The following PRKG1 variants were observed in gnomAD, a reference collection of about 807,000 sequenced individuals.
The protein encoded by PRKG1 is protein kinase cGMP-dependent 1.
Under a neutral mutation model 88.1 loss-of-function variants are expected in PRKG1, and 35 were observed. The observed-to-expected ratio is 0.40, with a 90% CI of 0.30 to 0.53. The LOEUF (loss-of-function observed/expected upper bound fraction) is 0.53, where lower values mean the gene tolerates loss of function less well. Ranked by LOEUF, PRKG1 falls within the 20% of genes least tolerant of loss-of-function variation. The pLI, the probability that PRKG1 is intolerant of heterozygous loss-of-function variation, is 0.59. For synonymous variants in PRKG1, 303 were observed against 292.5 expected (o/e 1.04, Z -0.37); for missense variants, 540 against 839.8 (o/e 0.64, Z 4.41).
Position 51,684,080 on chromosome 10 carries a change from G to A in PRKG1, c.593-120505G>A, listed in dbSNP as rs567713388. On this transcript the variant is annotated intron_variant, in intron 3 of 17. Transcript: ENST00000373980. ...ATATGTGCACACAAATGTTCACACC[G>A]GCACTATTCATAATAGCCTGAATGA... is the stretch of plus-strand genomic sequence containing the variant. Among the ~76,000 whole-genome samples the A allele has an allele frequency of 2.8e-4, 43 of 152,108 alleles. 1 individual carries two copies. The highest frequency in any genetic ancestry group is 1.4e-3 in the East Asian group (7 of 5,176).
intron 2 of PRKG1, among the ~76,000 whole-genome samples, chr10:51,251,518 A>AG (rs1839427288): frequency 2.6e-5 from 4 of 151,836 alleles, no homozygotes; most frequent in African/African-American, 9.7e-5. Context: ...ATTGTGATTA[A>AG]GGTCATTAAA....
chr10:51,439,001 A>ATT (rs142070764), intron 2 of PRKG1, among the ~76,000 whole-genome samples: 4 of 127,776 alleles, frequency 3.1e-5, no homozygotes, highest in African/African-American at 8.4e-5. Flanking sequence ...ACTAATTGGG[A>ATT]TTTTTTTTTT....
intron 3 of PRKG1, among the ~76,000 whole-genome samples, chr10:51,557,344 C>T (rs886388543): frequency 6.6e-5 from 10 of 151,058 alleles, no homozygotes; most frequent in African/African-American, 2.4e-4. Context: ...CATACACCAC[C>T]ACCCCCCCAC....
intron 2 of PRKG1, among the ~76,000 whole-genome samples, chr10:51,353,720 C>T (rs1008364180): frequency 6.6e-6 from 1 of 152,104 alleles, no homozygotes; most frequent in Non-Finnish European, 1.5e-5. Context: ...AATGCAACCA[C>T]TATGGAGAAC....
At chr10:52,024,292 T>C (rs981958211) in intron 5 of PRKG1, among the ~76,000 whole-genome samples, 5 of 133,672 alleles carry the variant, frequency 3.7e-5, no homozygotes, top group East Asian at 5.0e-4. Context: ...TACTTATTTA[T>C]TTATTCATTT....
At chr10:51,148,271 T>A (rs1311627317) in intron 1 of PRKG1, 1 of 985,048 alleles carries the variant, frequency 1.0e-6, no homozygotes, top group East Asian at 1.1e-4. Flanking sequence ...AAGGTGACTG[T>A]GAAAATCATT....
intron 7 of PRKG1, among the ~76,000 whole-genome samples, chr10:52,091,420 A>T (rs1348644994): frequency 6.6e-6 from 1 of 152,166 alleles, no homozygotes; most frequent in African/African-American, 2.4e-5. Flanking sequence ...CAATAGTGGG[A>T]GGGATGTTGC....
chr10:51,046,547 C>T (rs938187183), intron 1 of PRKG1, among the ~76,000 whole-genome samples: 2 of 152,158 alleles, frequency 1.3e-5, no homozygotes, highest in East Asian at 3.9e-4. Context: ...AACGATTTTT[C>T]CTTTGGCATT....
intron 5 of PRKG1, among the ~76,000 whole-genome samples, chr10:52,017,381 T>C (rs1845066714): frequency 6.6e-6 from 1 of 152,112 alleles, no homozygotes; most frequent in Non-Finnish European, 1.5e-5. Context: ...TGCATTATGA[T>C]GAGGAGTGGT....
At chr10:51,051,029 C>A (rs1366851551) in intron 1 of PRKG1, among the ~76,000 whole-genome samples, 3 of 151,708 alleles carry the variant, frequency 2.0e-5, no homozygotes, top group Non-Finnish European at 4.4e-5. Context: ...GCTTTTGAGT[C>A]ATGGGATTTG....
At chr10:52,126,159 A>T (rs923738072) in intron 7 of PRKG1, among the ~76,000 whole-genome samples, 3 of 151,994 alleles carry the variant, frequency 2.0e-5, no homozygotes, top group Non-Finnish European at 4.4e-5. Flanking sequence ...GAAACTGTGG[A>T]TAATGGTGAG....
At chr10:51,091,757 G>A (rs1000660537) in intron 1 of PRKG1, among the ~76,000 whole-genome samples, 6 of 152,016 alleles carry the variant, frequency 3.9e-5, no homozygotes, top group African/African-American at 1.2e-4. Flanking sequence ...GAATACTTAC[G>A]GTGTGCAGGC....
intron 3 of PRKG1, among the ~76,000 whole-genome samples, chr10:51,539,822 C>A (rs1177576823): frequency 1.3e-5 from 2 of 152,102 alleles, no homozygotes; most frequent in African/African-American, 2.4e-5. Flanking sequence ...TTGTTGATTA[C>A]CTGAAATCTT....
chr10:52,238,790 A>C (rs1179500191), intron 9 of PRKG1, among the ~76,000 whole-genome samples: 1 of 150,502 alleles, frequency 6.6e-6, no homozygotes, highest in Non-Finnish European at 1.5e-5. Context: ...AGAGCTAGAA[A>C]TACCATTTGA....
At chr10:52,027,337 A>G (rs1490563893) in intron 5 of PRKG1, among the ~76,000 whole-genome samples, 4 of 152,070 alleles carry the variant, frequency 2.6e-5, no homozygotes, top group African/African-American at 4.8e-5. Flanking sequence ...GATGAGGGTG[A>G]GTGTGTGTGT....
intron 10 of PRKG1, among the ~76,000 whole-genome samples, chr10:52,260,013 A>C (rs969040458): frequency 2.6e-5 from 4 of 151,842 alleles, no homozygotes; most frequent in Non-Finnish European, 5.9e-5. Context: ...TTTATCTGAA[A>C]ATGTCTTTAT....
chr10:51,041,775 G>A (rs886666044), intron 1 of PRKG1, among the ~76,000 whole-genome samples: 4 of 152,144 alleles, frequency 2.6e-5, no homozygotes, highest in African/African-American at 9.7e-5. Flanking sequence ...ACTGAGAAAG[G>A]GCATGGTTAT....
intron 4 of PRKG1, among the ~76,000 whole-genome samples, chr10:51,823,470 C>T (rs1212114512): frequency 1.3e-5 from 2 of 151,760 alleles, no homozygotes; most frequent in Non-Finnish European, 2.9e-5. Context: ...TAACATGAAC[C>T]ACGGGGCTTC....
At chr10:52,157,163 A>T (rs1452859223) in intron 8 of PRKG1, among the ~76,000 whole-genome samples, 1 of 150,354 alleles carries the variant, frequency 6.7e-6, no homozygotes, top group East Asian at 1.9e-4. Context: ...CTATATCATA[A>T]TAAGGGATAG....
Sources: allele counts gnomAD v4.1 joint callset (sites outside exome capture counted in the v4.1 genomes callset), GRCh38; gene constraint gnomAD v4.1.1; transcripts MANE v1.5; gene names NCBI Gene and HGNC (gene_info 2026-07-23, HGNC 2026-07-21).